Variants in LMAN2 observed in about 807,000 individuals in gnomAD.
LMAN2 encodes the protein lectin, mannose binding 2.
LMAN2 carries 22 observed loss-of-function variants against 39.3 expected under a neutral mutation model. The ratio of observed to expected loss-of-function variants is 0.56; its 90% CI spans 0.40 to 0.80. The LOEUF (loss-of-function observed/expected upper bound fraction) is 0.80. Ranked by LOEUF, LMAN2 falls within the 30% of genes least tolerant of loss-of-function variation. LMAN2 has a pLI of 0.00. For synonymous variants in LMAN2, 207 were observed against 207.8 expected (o/e 1.00, Z 0.03); for missense variants, 494 against 505.4 (o/e 0.98, Z 0.22).
At position 177,332,026 on chromosome 5, in the gene LMAN2, TA is replaced by T. The variant is rs551174424; in HGVS notation, c.*59del. 4.1e-3 allele frequency: 5,111 copies of T among 1,233,612 alleles called. No individual in the cohort carries two copies. The highest frequency in any genetic ancestry group is 7.0e-3 in the South Asian group (453 of 64,600). The allele number at this position is 1,233,612 out of a possible 1,614,324, so 76.4% of individuals were successfully genotyped here. A position where few individuals can be genotyped will look rare whatever the true frequency, so the allele number is the denominator to read the frequency against. Reference sequence around the variant, plus strand: ...TCTTGTTGTTCTTTTATAATCCCGGTAAAAAAAAAAGTTCACATTGGCTCCT... The same window carrying T: ...TCTTGTTGTTCTTTTATAATCCCGGTAAAAAAAAAGTTCACATTGGCTCCT... On this transcript the variant is annotated 3_prime_UTR_variant, in exon 8 of 8. Transcript: ENST00000303127. This position sits in a 1 kb window ranked among gnomAD's most constrained non-coding sequence, Gnocchi z 6.3.
At chr5:177,348,055 G>C (rs918215557) in intron 2 of LMAN2, among the ~76,000 whole-genome samples, 2 of 152,162 alleles carry the variant, frequency 1.3e-5, no homozygotes, top group African/African-American at 4.8e-5. Flanking sequence ...AGTAGAAGTG[G>C]TACTGAACTT....
chr5:177,351,073 G>T, intron 2 of LMAN2, 100 bp downstream of exon 2: 1 of 989,090 alleles, frequency 1.0e-6, no homozygotes, highest in Non-Finnish European at 1.6e-6. Context: ...GCCAGGGACG[G>T]AGGTGCAAAC....
At position 177,337,830 on chromosome 5, in the gene LMAN2, C is replaced by T. The variant is rs747577043; in HGVS notation, c.434-45G>A. The T allele has an allele frequency of 1.9e-6, 3 of 1,571,872 alleles. No homozygotes were observed. Among genetic ancestry groups the T allele is most frequent in the Non-Finnish European group, 2.6e-6 (3 of 1,147,080 alleles). On this transcript the variant is annotated intron_variant, in intron 3 of 7. Coordinates refer to ENST00000303127, the MANE Select transcript of LMAN2 (RefSeq NM_006816.3). This position sits in a 1 kb window ranked among gnomAD's most constrained non-coding sequence, Gnocchi z 8.2. ...CTCTCAGAATGGGAGAAACAGGAGC[C>T]GTCCCATGGGTACCTAAAAGGCAAG...
Position 177,337,096 on chromosome 5 carries a change from G to A in LMAN2, c.790+40C>T, listed in dbSNP as rs1469869330. On this transcript the variant is annotated intron_variant, in intron 6 of 7. Coordinates refer to ENST00000303127, the MANE Select transcript of LMAN2 (RefSeq NM_006816.3). This position sits in a 1 kb window ranked among gnomAD's most constrained non-coding sequence, Gnocchi z 8.2. ...TGGAAAGCTCCCAGTCCCTCAGGGT[G>A]AGCTGGGCTGGGAACCAACGCCTGG... The A allele has an allele frequency of 6.8e-7, 1 of 1,479,274 alleles. No homozygotes were observed. The highest frequency in any genetic ancestry group is 1.7e-5 in the Admixed American group (1 of 59,494). The allele number at this position is 1,479,274 out of a possible 1,614,324, so 91.6% of individuals were successfully genotyped here.
chr5:177,338,451 AC>A (rs750712482), intron 3 of LMAN2, 36 bp downstream of exon 3: 2 of 1,570,088 alleles, frequency 1.3e-6, no homozygotes, highest in Non-Finnish European at 8.8e-7. Flanking sequence ...GCCCGTGCCC[AC>A]CCCCACAGGG....
chr5:177,332,135 C>T lies in LMAN2; in HGVS notation c.1022G>A (p.Gly341Glu), dbSNP rs760063129. The change falls in exon 8 of 8, where the codon GGG becomes GAG. Residue 341 changes from glycine (G) to glutamate (E), a missense_variant. Physicochemically the swap from Gly to Glu is moderately conservative, Grantham distance 98. Transcript: ENST00000303127. The surrounding 1 kb of genome is among the most constrained non-coding windows in gnomAD (Gnocchi z 6.3). Reference sequence around the variant, plus strand: ...CTGCCGCTTCTGGAACACCACGGCCCCCACCACGGCGCAGACAACGATGCC... The same window carrying T: ...CTGCCGCTTCTGGAACACCACGGCCTCCACCACGGCGCAGACAACGATGCC... ...LLGIVVCAVV[G>E]AVVFQKRQER... The T allele has an allele frequency of 3.1e-6, 5 of 1,613,602 alleles. No homozygotes were observed. Among genetic ancestry groups the T allele is most frequent in the Non-Finnish European group, 4.2e-6 (5 of 1,179,970 alleles).
chr5:177,331,919 G>T lies in LMAN2; in HGVS notation c.*167C>A. On this transcript the variant is annotated 3_prime_UTR_variant, in exon 8 of 8. Coordinates refer to ENST00000303127, the MANE Select transcript of LMAN2 (RefSeq NM_006816.3). The stretch of plus-strand genomic sequence containing the variant: ...GTGCCAGACCCTAAGCCTCGGCTCT[G>T]CCACCTGTCCCTGCTGGGCAAGAAG... 1.2e-6 allele frequency: 1 copy of T among 800,802 alleles called. No homozygotes were observed. Among genetic ancestry groups the T allele is most frequent in the Non-Finnish European group, 1.9e-6 (1 of 533,408 alleles). The allele number at this position is 800,802 out of a possible 1,614,324, so 49.6% of individuals were successfully genotyped here.
At chr5:177,334,215 C>G (rs1761435121) in intron 7 of LMAN2, 69 bp downstream of exon 7, 2 of 1,534,910 alleles carry the variant, frequency 1.3e-6, no homozygotes, top group South Asian at 1.2e-5. Context: ...CAAGACCCGC[C>G]AGGCTGGCTT....
At chr5:177,347,035 C>T (rs1277893014) in intron 2 of LMAN2, among the ~76,000 whole-genome samples, 3 of 152,140 alleles carry the variant, frequency 2.0e-5, no homozygotes, top group Admixed American at 2.0e-4. Flanking sequence ...AAAAATCTGA[C>T]CATGATGCAA....
At chr5:177,338,457 A>G in intron 3 of LMAN2, 31 bp downstream of exon 3, 1 of 1,590,922 alleles carries the variant, frequency 6.3e-7, no homozygotes, top group South Asian at 1.1e-5. Flanking sequence ...GCCCACCCCC[A>G]CAGGGCCCAG....
In LMAN2 at chr5:177,351,289, C is replaced by G; in HGVS notation, c.199G>C (p.Val67Leu). ...CAGAGGGGCATAGAGCTGGAACCGA[C>G]CCCTGTGGGAAGAGACAGGTGCTAA... ...EHSLIKPYQG[V>L]GSSSMPLWDF... The change falls in exon 2 of 8, where the codon GTC becomes CTC. Residue 67 changes from valine to leucine, a missense_variant and splice_region_variant. By Grantham distance (32) the Val-to-Leu change is conservative. Transcript: ENST00000303127. 1 of 1,613,850 alleles carries G rather than the reference C, an allele frequency of 6.2e-7. No individual in the cohort carries two copies. The highest frequency in any genetic ancestry group is 8.5e-7 in the Non-Finnish European group (1 of 1,180,018).
At chr5:177,340,825 G>A (rs961110425) in intron 2 of LMAN2, among the ~76,000 whole-genome samples, 2 of 151,148 alleles carry the variant, frequency 1.3e-5, no homozygotes, top group Admixed American at 6.6e-5. Flanking sequence ...CACAATCTCT[G>A]CTCACTGCGA....
chr5:177,332,282 C>G lies in LMAN2; in HGVS notation c.911-36G>C. On this transcript the variant is annotated intron_variant, in intron 7 of 7. Coordinates refer to ENST00000303127, the MANE Select transcript of LMAN2 (RefSeq NM_006816.3). The surrounding 1 kb of genome is among the most constrained non-coding windows in gnomAD (Gnocchi z 6.3). ...AGAAACGGGGGAGCTGAAACGGCAG[C>G]ACGGGCCGGGGATCAGGGGGCTGCA... 6.2e-7 allele frequency: 1 copy of G among 1,600,140 alleles called. No individual in the cohort carries two copies.
Position 177,334,195 on chromosome 5 carries a change from G to A in LMAN2, c.910+89C>T, listed in dbSNP as rs112077682. 28 of 1,501,178 alleles carry A rather than the reference G, an allele frequency of 1.9e-5. No homozygotes were observed. In the African/African-American group the frequency reaches 3.3e-4, roughly 18 times the overall value. 93.0% of individuals were successfully genotyped at this position (1,501,178 alleles called of 1,614,324 possible). ...CCCAGACCACAACCACCACAACCAC[G>A]ACTGGACCACAAGACCCGCCAGGCT... is the stretch of plus-strand genomic sequence containing the variant. On this transcript the variant is annotated intron_variant, in intron 7 of 7. Transcript: ENST00000303127.
chr5:177,351,398 G>A (rs1761721689), intron 1 of LMAN2, 54 bp downstream of exon 1: 1 of 1,605,500 alleles, frequency 6.2e-7, no homozygotes, highest in African/African-American at 1.3e-5. Flanking sequence ...CCTTCCCCTA[G>A]CCCTGTTCAG....
intron 2 of LMAN2, among the ~76,000 whole-genome samples, chr5:177,338,821 G>A (rs1169357686): frequency 6.6e-6 from 1 of 152,186 alleles, no homozygotes; most frequent in Non-Finnish European, 1.5e-5. Flanking sequence ...TGAGGTGGGG[G>A]AGGCCAGTGT....
chr5:177,346,454 GGTT>G (rs998920140), intron 2 of LMAN2: 46 of 350,884 alleles, frequency 1.3e-4, no homozygotes, highest in East Asian at 3.4e-4. Flanking sequence ...ATTGATTACC[GGTT>G]GTTGTTTTTT....
Position 177,337,426 on chromosome 5 carries a change from A to G in LMAN2, c.612T>C (p.Ala204=), listed in dbSNP as rs1189718943. 1.2e-6 allele frequency: 2 copies of G among 1,613,598 alleles called. No homozygotes were observed. The highest frequency in any genetic ancestry group is 3.3e-5 in the Admixed American group (2 of 60,014). The change falls in exon 5 of 8, where the codon GCT becomes GCC. Residue 204 remains alanine (A), a synonymous_variant. Coordinates refer to ENST00000303127, the MANE Select transcript of LMAN2 (RefSeq NM_006816.3). This position sits in a 1 kb window ranked among gnomAD's most constrained non-coding sequence, Gnocchi z 8.2. The part of the protein sequence containing the change: ...GRWTELAGCT[A]DFRNRDHDTF... ...TGTCGTGATCGCGGTTGCGGAAGTC[A>G]GCCGTGCAGCCCGCCAGCTCGGTCC...
intron 2 of LMAN2, among the ~76,000 whole-genome samples, chr5:177,344,942 G>C (rs1319929823): frequency 6.6e-6 from 1 of 151,822 alleles, no homozygotes; most frequent in African/African-American, 2.4e-5. Flanking sequence ...AGAAAGAAGA[G>C]AAGAGAAAAG....
Sources: allele counts gnomAD v4.1 joint callset (sites outside exome capture counted in the v4.1 genomes callset), GRCh38; gene constraint gnomAD v4.1.1; non-coding constraint Gnocchi (gnomAD v3.1); transcripts MANE v1.5; gene names NCBI Gene and HGNC (gene_info 2026-07-23, HGNC 2026-07-21).